TMPRSS11D: variants seen among roughly 807,000 people sequenced by gnomAD.
TMPRSS11D encodes the protein transmembrane protease serine 11D.
A neutral mutation model predicts 44.4 loss-of-function variants in TMPRSS11D; 32 were observed. The observed-to-expected ratio is 0.72, with a 90% CI of 0.54 to 0.97. The LOEUF (loss-of-function observed/expected upper bound fraction) is 0.97. Ranked by LOEUF, TMPRSS11D falls within the 50% of genes least tolerant of loss-of-function variation. TMPRSS11D has a pLI of 0.00. For missense variants in TMPRSS11D, 446 were observed against 502.6 expected, an observed-to-expected ratio of 0.89 and a Z score of 1.08; for synonymous variants, 179 against 177.9, an observed-to-expected ratio of 1.01 and a Z score of -0.05.
At chr4:67,829,588 T>C (rs1202005278) in intron 7 of TMPRSS11D, among the ~76,000 whole-genome samples, 1 of 151,958 alleles carries the variant, frequency 6.6e-6, no homozygotes, top group Non-Finnish European at 1.5e-5. Flanking sequence ...GTTTACCAGA[T>C]GGATGAGGAA....
At chr4:67,869,162 T>C (rs1453811054) in intron 1 of TMPRSS11D, among the ~76,000 whole-genome samples, 1 of 152,234 alleles carries the variant, frequency 6.6e-6, no homozygotes, top group Non-Finnish European at 1.5e-5. Context: ...TTAAGATGGG[T>C]CTTGGCTGAG....
At chr4:67,841,734 G>A (rs942974137) in intron 4 of TMPRSS11D, among the ~76,000 whole-genome samples, 1 of 152,130 alleles carries the variant, frequency 6.6e-6, no homozygotes, top group African/African-American at 2.4e-5. Context: ...AGGTGTTTTG[G>A]AAAATACCCT....
chr4:67,835,227 T>C (rs948186838), intron 5 of TMPRSS11D, 106 bp from the exon 6 acceptor site: 1 of 1,081,824 alleles, frequency 9.2e-7, no homozygotes. Flanking sequence ...GAATTACTTG[T>C]TGGGGTTGGG....
intron 5 of TMPRSS11D, among the ~76,000 whole-genome samples, chr4:67,835,438 CAG>C (rs1718056579): frequency 6.6e-6 from 1 of 151,988 alleles, no homozygotes; most frequent in Admixed American, 6.6e-5. Flanking sequence ...TATGGGAAAA[CAG>C]AAACATAAGC....
intron 5 of TMPRSS11D, among the ~76,000 whole-genome samples, chr4:67,837,190 G>T (rs979812560): frequency 6.6e-6 from 1 of 152,140 alleles, no homozygotes; most frequent in East Asian, 1.9e-4. Flanking sequence ...AAACACTTGG[G>T]AAGTGCGTTC....
At chr4:67,868,772 G>A (rs1366929501) in intron 1 of TMPRSS11D, among the ~76,000 whole-genome samples, 1 of 152,222 alleles carries the variant, frequency 6.6e-6, no homozygotes, top group African/African-American at 2.4e-5. Context: ...CAGTGTTTTA[G>A]AAAGGTTAAT....
intron 1 of TMPRSS11D, among the ~76,000 whole-genome samples, chr4:67,879,694 G>A (rs1242258172): frequency 6.6e-6 from 1 of 152,062 alleles, no homozygotes; most frequent in Non-Finnish European, 1.5e-5. Flanking sequence ...TTTGCAATTT[G>A]GAGCAAGACA....
At chr4:67,839,719 T>A (rs1718184600) in intron 4 of TMPRSS11D, among the ~76,000 whole-genome samples, 1 of 151,964 alleles carries the variant, frequency 6.6e-6, no homozygotes, top group Non-Finnish European at 1.5e-5. Context: ...AGCTTTAAAT[T>A]AAGAAAAAAG....
At chr4:67,844,817 T>G (rs1258294583) in intron 3 of TMPRSS11D, among the ~76,000 whole-genome samples, 3 of 152,138 alleles carry the variant, frequency 2.0e-5, no homozygotes, top group Non-Finnish European at 4.4e-5. Context: ...AAAGTCATTC[T>G]AAATTCTATG....
rs1007243665 is a variant in TMPRSS11D, at chr4:67,834,148, A to G, written c.515-767T>C. Among the ~76,000 whole-genome samples the G allele has an allele frequency of 2.0e-5, 3 of 152,288 alleles. 1 individual carries two copies. The highest frequency in any genetic ancestry group is 6.8e-3 in the Middle Eastern group (2 of 294). On this transcript the variant is annotated intron_variant, in intron 6 of 9. Coordinates refer to ENST00000283916, the MANE Select transcript of TMPRSS11D (RefSeq NM_004262.3). ...CCAATTCCTCTCAACTCGCATTCCC[A>G]TAATTTTCTTCTTTTGTGTGGTCTA...
At chr4:67,843,845 C>A (rs749766586) in intron 3 of TMPRSS11D, among the ~76,000 whole-genome samples, 14 of 152,288 alleles carry the variant, frequency 9.2e-5, no homozygotes, top group Non-Finnish European at 1.8e-4. Flanking sequence ...ATCACTTGAA[C>A]CGGGGAGGTA....
Position 67,822,386 on chromosome 4 carries a change from G to C in TMPRSS11D, c.1208C>G (p.Thr403Ser). The C allele has an allele frequency of 6.2e-7, 1 of 1,613,760 alleles. No homozygotes were observed. The highest frequency in any genetic ancestry group is 8.5e-7 in the Non-Finnish European group (1 of 1,179,842). The change falls in exon 10 of 10, where the codon ACT becomes AGT. Residue 403 changes from threonine to serine, a missense_variant. By Grantham distance (58) the Thr-to-Ser change is moderately conservative. Coordinates refer to ENST00000283916, the MANE Select transcript of TMPRSS11D (RefSeq NM_004262.3). ...CCAGTCAAGGTAGGCTGTCACTCGAGTATACACTCCTGGCTTATCCGGCAG... is the reference window on the plus strand; with the variant it reads ...CCAGTCAAGGTAGGCTGTCACTCGACTATACACTCCTGGCTTATCCGGCAG... ...CGLPDKPGVY[T>S]RVTAYLDWIR...
rs1717776995 is a variant in TMPRSS11D at position 67,825,790 on chromosome 4, G to C, written c.1037C>G (p.Ala346Gly). The C allele has an allele frequency of 7.4e-6, 12 of 1,613,138 alleles. No homozygotes were observed. The highest frequency in any genetic ancestry group is 1.0e-5 in the Non-Finnish European group (12 of 1,179,482). The change falls in exon 9 of 10, where the codon GCC becomes GGC. Residue 346 changes from alanine (A) to glycine (G), a missense_variant. Physicochemically the swap from Ala to Gly is moderately conservative, Grantham distance 60. Transcript: ENST00000283916. ...AGCACACAGCATTCCAGACAAGATG[G>C]CTCCATTATAACTATGTGGTGCATT... ...VCNAPHSYNG[A>G]ILSGMLCAGV...
chr4:67,876,029 G>A (rs545601339), intron 1 of TMPRSS11D, among the ~76,000 whole-genome samples: 100 of 152,246 alleles, frequency 6.6e-4, no homozygotes, highest in Admixed American at 1.2e-3. Flanking sequence ...ATTTCTTTCT[G>A]TCTCCTGAAC....
At chr4:67,833,672 G>C (rs909983242) in intron 6 of TMPRSS11D, 4 of 230,326 alleles carry the variant, frequency 1.7e-5, no homozygotes, top group African/African-American at 4.5e-5. Flanking sequence ...GTTAAGATAG[G>C]TCATTATTGG....
At chr4:67,867,261 G>A (rs542783026) in intron 1 of TMPRSS11D, among the ~76,000 whole-genome samples, 2 of 152,162 alleles carry the variant, frequency 1.3e-5, no homozygotes, top group Admixed American at 1.3e-4. Flanking sequence ...AATGGTGGTG[G>A]TAAAATTGGA....
chr4:67,865,383 T>C (rs147368776), intron 1 of TMPRSS11D, among the ~76,000 whole-genome samples: 105 of 151,522 alleles, frequency 6.9e-4, no homozygotes, highest in African/African-American at 2.4e-3. Context: ...TAAGAGGGAA[T>C]TTTATATCAT....
At chr4:67,866,576 A>G (rs993167983) in intron 1 of TMPRSS11D, among the ~76,000 whole-genome samples, 1 of 151,984 alleles carries the variant, frequency 6.6e-6, no homozygotes, top group Non-Finnish European at 1.5e-5. Flanking sequence ...ATGATCTTAT[A>G]CCTAGAAAAT....
intron 9 of TMPRSS11D, 32 bp downstream of exon 9, chr4:67,825,700 T>A (rs1288994822): frequency 6.2e-7 from 1 of 1,609,558 alleles, no homozygotes. Context: ...ACTTCTTGGA[T>A]GATGACATGG....
Sources: allele counts gnomAD v4.1 joint callset (sites outside exome capture counted in the v4.1 genomes callset), GRCh38; gene constraint gnomAD v4.1.1; transcripts MANE v1.5; gene names NCBI Gene and HGNC (gene_info 2026-07-23, HGNC 2026-07-21).